Variants in BBS9 observed in about 807,000 individuals in gnomAD.
BBS9 encodes Bardet-Biedl syndrome 9.
Under a neutral mutation model 117.7 loss-of-function variants are expected in BBS9, and 89 were observed. That is an observed-to-expected ratio of 0.76 (90% CI 0.64 to 0.90). The LOEUF is 0.90. Among genes scored for constraint, BBS9 ranks in the 40% least tolerant of loss-of-function variants. BBS9 has a pLI of 0.00. For missense variants in BBS9, 982 were observed against 1,042.2 expected, an observed-to-expected ratio of 0.94 and a Z score of 0.80; for synonymous variants, 379 against 370.9, an observed-to-expected ratio of 1.02 and a Z score of -0.25.
At chr7:33,336,009 C>G (rs796262934) in intron 9 of BBS9, among the ~76,000 whole-genome samples, 19 of 152,280 alleles carry the variant, frequency 1.2e-4, no homozygotes, top group African/African-American at 4.6e-4. Flanking sequence ...CCTGTCTTCA[C>G]TCCTGTGCCT....
Position 33,192,831 on chromosome 7 carries a change from A to G in BBS9, c.442+15240A>G, listed in dbSNP as rs1476746314. On this transcript the variant is annotated intron_variant, in intron 5 of 22. Coordinates refer to ENST00000242067, the MANE Select transcript of BBS9 (RefSeq NM_198428.3). ...TCCTCACATGGCAGAAGAACAGAGG[A>G]GCAGAAGAGCAAAGGGCCTAAGCTA... 3.3e-5 allele frequency among the ~76,000 whole-genome samples: 5 copies of G among 152,196 alleles called. No individual in the cohort carries two copies. In the East Asian group the frequency reaches 9.6e-4, roughly 29 times the overall value.
intron 18 of BBS9, among the ~76,000 whole-genome samples, chr7:33,384,201 A>G (rs575893073): frequency 6.6e-6 from 1 of 152,376 alleles, no homozygotes; most frequent in African/African-American, 2.4e-5. Flanking sequence ...GTGTGATTAT[A>G]AAGTAAAGTG....
At chr7:33,491,468 A>G (rs1405524846) in intron 19 of BBS9, among the ~76,000 whole-genome samples, 1 of 152,172 alleles carries the variant, frequency 6.6e-6, no homozygotes, top group African/African-American at 2.4e-5. Flanking sequence ...CTCTACTTCT[A>G]AGAGAATGTT....
chr7:33,218,994 C>A (rs1034686718), intron 5 of BBS9, among the ~76,000 whole-genome samples: 1 of 152,234 alleles, frequency 6.6e-6, no homozygotes, highest in Non-Finnish European at 1.5e-5. Flanking sequence ...CGAGCGGGAA[C>A]CCGGGCTGCG....
At chr7:33,142,590 G>A (rs1450971779) in intron 1 of BBS9, among the ~76,000 whole-genome samples, 10 of 152,232 alleles carry the variant, frequency 6.6e-5, no homozygotes, top group South Asian at 2.1e-4. Context: ...CCTATTAACA[G>A]TTCTCCTTTC....
chr7:33,392,569 A>T (rs1014870451), intron 19 of BBS9, among the ~76,000 whole-genome samples: 5 of 152,184 alleles, frequency 3.3e-5, no homozygotes, highest in African/African-American at 1.2e-4. Flanking sequence ...AGAGGTGGGG[A>T]TATAGACTTT....
chr7:33,465,673 C>T (rs1224627570), intron 19 of BBS9, among the ~76,000 whole-genome samples: 2 of 152,020 alleles, frequency 1.3e-5, no homozygotes, highest in East Asian at 1.9e-4. Context: ...TCAGTTTTCT[C>T]ATCTGTAAAG....
chr7:33,297,295 A>G (rs1334148358), intron 9 of BBS9, among the ~76,000 whole-genome samples: 1 of 152,160 alleles, frequency 6.6e-6, no homozygotes, highest in Admixed American at 6.6e-5. Flanking sequence ...TATTCAATGA[A>G]TACCACTGTT....
At chr7:33,469,409 T>C (rs1840661954) in intron 19 of BBS9, among the ~76,000 whole-genome samples, 4 of 152,172 alleles carry the variant, frequency 2.6e-5, no homozygotes, top group African/African-American at 9.7e-5. Context: ...ATTTTCTTCA[T>C]CCACATCAAT....
intron 20 of BBS9, among the ~76,000 whole-genome samples, chr7:33,507,267 G>A (rs1331252357): frequency 6.6e-6 from 1 of 152,146 alleles, no homozygotes; most frequent in Non-Finnish European, 1.5e-5. Flanking sequence ...TTGAGATGGA[G>A]TCTTGCTCTG....
chr7:33,165,861 C>T (rs1275596808), intron 4 of BBS9, among the ~76,000 whole-genome samples: 2 of 152,134 alleles, frequency 1.3e-5, no homozygotes, highest in Admixed American at 6.5e-5. Flanking sequence ...CATTCTCCGT[C>T]AAGCTTTGTT....
downstream of BBS9, chr7:33,606,112 T>C (rs933354925): frequency 6.6e-6 from 1 of 152,094 alleles, no homozygotes; most frequent in Admixed American, 6.5e-5. Context: ...TTCATGGTTT[T>C]TCTATATGTG....
At chr7:33,327,225 A>G (rs1584339468) in intron 9 of BBS9, among the ~76,000 whole-genome samples, 1 of 152,290 alleles carries the variant, frequency 6.6e-6, no homozygotes, top group Non-Finnish European at 1.5e-5. Flanking sequence ...GGAGGAACAT[A>G]TTATGTAGGG....
chr7:33,139,196 G>A (rs1292878307), intron 1 of BBS9, among the ~76,000 whole-genome samples: 1 of 151,210 alleles, frequency 6.6e-6, no homozygotes, highest in African/African-American at 2.4e-5. Flanking sequence ...AGGTTGCGGT[G>A]AGCTGAGATT....
intron 9 of BBS9, among the ~76,000 whole-genome samples, chr7:33,325,008 T>C (rs1812554993): frequency 6.6e-6 from 1 of 152,234 alleles, no homozygotes; most frequent in African/African-American, 2.4e-5. Flanking sequence ...TACTTGAATA[T>C]TGATATCTTT....
At chr7:33,588,821 G>A (rs1287023870) in intron 21 of BBS9, among the ~76,000 whole-genome samples, 2 of 152,060 alleles carry the variant, frequency 1.3e-5, no homozygotes, top group South Asian at 2.1e-4. Context: ...AAAGGGAATG[G>A]TCAGCACCAT....
intron 5 of BBS9, among the ~76,000 whole-genome samples, chr7:33,240,986 A>G (rs1010958376): frequency 1.3e-5 from 2 of 152,176 alleles, no homozygotes; most frequent in African/African-American, 4.8e-5. Flanking sequence ...ATAATGATTA[A>G]GTAGATAGCA....
Position 33,520,504 on chromosome 7 carries a change from G to A in BBS9, c.2299-13450G>A, listed in dbSNP as rs564151902. 2.0e-5 allele frequency among the ~76,000 whole-genome samples: 3 copies of A among 152,158 alleles called. No homozygotes were observed. In the East Asian group the frequency reaches 5.8e-4, roughly 29 times the overall value. On this transcript the variant is annotated intron_variant, in intron 20 of 22. Coordinates refer to ENST00000242067, the MANE Select transcript of BBS9 (RefSeq NM_198428.3). The stretch of plus-strand genomic sequence containing the variant: ...CATCTGGCAAGGAAAATATTGTCCT[G>A]GTTTTTTACTGATGAGGGAACTGAG...
At chr7:33,182,455 G>A (rs1265633701) in intron 5 of BBS9, among the ~76,000 whole-genome samples, 4 of 152,190 alleles carry the variant, frequency 2.6e-5, no homozygotes, top group African/African-American at 9.7e-5. Flanking sequence ...CTCCACAGCA[G>A]TTAAGTTGAA....
Sources: allele counts gnomAD v4.1 joint callset (sites outside exome capture counted in the v4.1 genomes callset), GRCh38; gene constraint gnomAD v4.1.1; transcripts MANE v1.5; gene names NCBI Gene and HGNC (gene_info 2026-07-23, HGNC 2026-07-21).